Variants in KL observed in about 807,000 individuals in gnomAD.
KL encodes the protein alpha-klotho.
KL carries 62 observed loss-of-function variants against 84.2 expected under a neutral mutation model. That is an observed-to-expected ratio of 0.74 (90% CI 0.60 to 0.91). KL has a LOEUF of 0.91. Among genes scored for constraint, KL ranks in the 40% least tolerant of loss-of-function variants. KL has a pLI of 0.00. For synonymous variants in KL, 528 were observed against 528.0 expected (o/e 1.00, Z 0.00); for missense variants, 1,261 against 1,305.7 (o/e 0.97, Z 0.53).
At chr13:33,036,425 A>C (rs1871149396) in intron 1 of KL, among the ~76,000 whole-genome samples, 1 of 151,712 alleles carries the variant, frequency 6.6e-6, no homozygotes, top group Non-Finnish European at 1.5e-5. Flanking sequence ...CCACACACAC[A>C]GAAATACACA....
chr13:33,042,143 T>C (rs1871361748), intron 1 of KL, among the ~76,000 whole-genome samples: 1 of 152,202 alleles, frequency 6.6e-6, no homozygotes, highest in Non-Finnish European at 1.5e-5. Flanking sequence ...AGTATTCTCT[T>C]GCCACATAAA....
chr13:33,043,193 G>A (rs570908436), intron 1 of KL, among the ~76,000 whole-genome samples: 2 of 150,928 alleles, frequency 1.3e-5, no homozygotes, highest in East Asian at 1.9e-4. Flanking sequence ...TGAAATTTCC[G>A]TTGTTTTACG....
At chr13:33,022,699 G>T (rs1241297082) in intron 1 of KL, among the ~76,000 whole-genome samples, 1 of 152,140 alleles carries the variant, frequency 6.6e-6, no homozygotes, top group Non-Finnish European at 1.5e-5. Flanking sequence ...ATAACCACAG[G>T]TAGAATGGAT....
intron 1 of KL, among the ~76,000 whole-genome samples, chr13:33,045,134 A>T (rs946356771): frequency 1.6e-4 from 25 of 152,036 alleles, no homozygotes; most frequent in African/African-American, 4.6e-4. Context: ...TTGTTTTCTT[A>T]ATTTTCTTTT....
intron 1 of KL, among the ~76,000 whole-genome samples, chr13:33,042,071 T>TA (rs533163822): frequency 8.1e-4 from 124 of 152,228 alleles, no homozygotes; most frequent in African/African-American, 2.1e-3. Flanking sequence ...AATATATATA[T>TA]TTTTTTAACT....
At position 33,016,800 on chromosome 13, in the gene KL, C is replaced by T; in HGVS notation, c.360C>T (p.Ala120=). The part of the protein sequence containing the change: ...PLGAPSPLQP[A]TGDVASDSYN... ...GCGCCCCGTCGCCGCTGCAGCCCGC[C>T]ACCGGGGACGTAGCCAGCGACAGCT... The change falls in exon 1 of 5, where the codon GCC becomes GCT. Residue 120 remains alanine (A), a synonymous_variant. Coordinates refer to ENST00000380099, the MANE Select transcript of KL (RefSeq NM_004795.4). 1 of 1,612,448 alleles carries T rather than the reference C, an allele frequency of 6.2e-7. No individual in the cohort carries two copies. Among genetic ancestry groups the T allele is most frequent in the Non-Finnish European group, 8.5e-7 (1 of 1,179,710 alleles).
In KL at chr13:33,016,959, C is replaced by T. The variant is rs1266140360; in HGVS notation, c.519C>T (p.Tyr173=). 6.9e-6 allele frequency: 11 copies of T among 1,602,716 alleles called. No homozygotes were observed. Among genetic ancestry groups the T allele is most frequent in the Non-Finnish European group, 9.4e-6 (11 of 1,176,422 alleles). The change falls in exon 1 of 5, where the codon TAC becomes TAT. Residue 173 remains tyrosine, a synonymous_variant. Coordinates refer to ENST00000380099, the MANE Select transcript of KL (RefSeq NM_004795.4). ...GVPNREGLRY[Y]RRLLERLREL... ...CCAACCGCGAGGGGCTGCGCTACTA[C>T]CGGCGCCTGCTGGAGCGGCTGCGGG...
rs573967759 is a variant in KL at position 33,060,591 on chromosome 13, T to A, written c.1600-88T>A. 11 of 1,473,376 alleles carry A rather than the reference T, an allele frequency of 7.5e-6. No homozygotes were observed. The South Asian group carries it at 1.3e-4, about 17-fold the overall frequency. The allele number at this position is 1,473,376 out of a possible 1,614,324, so 91.3% of individuals were successfully genotyped here. On this transcript the variant is annotated intron_variant, in intron 3 of 4. Transcript: ENST00000380099. ...AGAAAGGCTTCTATTTTTGCTCATA[T>A]TCCTGGCTAGTTTTGCTGAAATAAT...
chr13:33,033,843 T>C lies in KL; in HGVS notation c.819+16584T>C, dbSNP rs34104126. On this transcript the variant is annotated intron_variant, in intron 1 of 4. Coordinates refer to ENST00000380099, the MANE Select transcript of KL (RefSeq NM_004795.4). ...TGTGTGATAATGAATTTATTGGGCT[T>C]GTTTTTTTAGCTTCTGAATAGAAGA... 7.5e-3 allele frequency among the ~76,000 whole-genome samples: 1,146 copies of C among 152,236 alleles called. 6 individuals are homozygous for C. Among genetic ancestry groups the C allele is most frequent in the Non-Finnish European group, 0.011 (731 of 68,014 alleles).
intron 4 of KL, 70 bp from the exon 5 acceptor site, chr13:33,063,776 CAAA>C (rs34137141): frequency 1.5e-4 from 173 of 1,167,060 alleles, no homozygotes; most frequent in Middle Eastern, 2.1e-4. Context: ...GACTCCGTCT[CAAA>C]AAAAAAAAAA....
intron 1 of KL, among the ~76,000 whole-genome samples, chr13:33,045,298 G>A (rs1284312233): frequency 6.6e-6 from 1 of 152,040 alleles, no homozygotes; most frequent in Non-Finnish European, 1.5e-5. Flanking sequence ...CTGTGAATAG[G>A]GATAGTTTTA....
chr13:33,029,359 A>G (rs1870888977), intron 1 of KL, among the ~76,000 whole-genome samples: 1 of 152,212 alleles, frequency 6.6e-6, no homozygotes, highest in Non-Finnish European at 1.5e-5. Flanking sequence ...CCATGAATCA[A>G]TGTTTCAAAC....
At chr13:33,031,314 T>A (rs973966254) in intron 1 of KL, among the ~76,000 whole-genome samples, 5 of 152,224 alleles carry the variant, frequency 3.3e-5, no homozygotes, top group Admixed American at 3.3e-4. Context: ...TGACAGCATC[T>A]AGTCCAAACT....
chr13:33,053,907 G>C lies in KL; in HGVS notation c.960G>C (p.Leu320=). The C allele has an allele frequency of 6.2e-7, 1 of 1,614,142 alleles. No homozygotes were observed. Residue 320 remains leucine (L), a synonymous_variant, in exon 2 of 5, where the codon CTG becomes CTC. Coordinates refer to ENST00000380099, the MANE Select transcript of KL (RefSeq NM_004795.4). The part of the protein sequence containing the change: ...DHSIKECQKS[L]DFVLGWFAKP... ...GCATCAAAGAATGTCAAAAATCTCT[G>C]GACTTTGTACTAGGTTGGTTTGCCA...
chr13:33,061,327 G>A lies in KL; in HGVS notation c.2248G>A (p.Glu750Lys), dbSNP rs62637615. Residue 750 changes from glutamate (E) to lysine (K), a missense_variant, in exon 4 of 5, where the codon GAG (glutamate) becomes AAG (lysine). Coordinates refer to ENST00000380099, the MANE Select transcript of KL (RefSeq NM_004795.4). Reference protein sequence around the residue: ...PFSQKDKEVAERVLEFDIGWL... With the variant: ...PFSQKDKEVAKRVLEFDIGWL... Reference sequence around the variant, plus strand: ...CTCCCAAAAGGACAAAGAGGTGGCTGAGAGAGTTTTGGAATTTGACATTGG... The same window carrying A: ...CTCCCAAAAGGACAAAGAGGTGGCTAAGAGAGTTTTGGAATTTGACATTGG... The A allele has an allele frequency of 3.1e-6, 5 of 1,614,020 alleles. No homozygotes were observed. Among genetic ancestry groups the A allele is most frequent in the African/African-American group, 1.3e-5 (1 of 74,912 alleles).
intron 3 of KL, among the ~76,000 whole-genome samples, chr13:33,059,846 CAA>C (rs1182166131): frequency 2.6e-5 from 4 of 152,210 alleles, no homozygotes; most frequent in Non-Finnish European, 5.9e-5. Context: ...CAACAAAAGG[CAA>C]GAGTTATGTT....
chr13:33,040,723 G>T (rs181596318), intron 1 of KL, among the ~76,000 whole-genome samples: 56 of 152,210 alleles, frequency 3.7e-4, no homozygotes, highest in African/African-American at 1.3e-3. Flanking sequence ...ACATATTTGG[G>T]TGATTGGTGA....
intron 1 of KL, among the ~76,000 whole-genome samples, chr13:33,048,425 A>G (rs1191378885): frequency 1.3e-5 from 2 of 152,144 alleles, no homozygotes; most frequent in Non-Finnish European, 2.9e-5. Flanking sequence ...TACTCTGGCT[A>G]TTCTGAAATG....
intron 1 of KL, among the ~76,000 whole-genome samples, chr13:33,028,817 A>G (rs1284761690): frequency 1.3e-5 from 2 of 152,260 alleles, no homozygotes; most frequent in Non-Finnish European, 2.9e-5. Context: ...ATGTTGGCAG[A>G]ATAATGTCAA....
Sources: gnomAD v4.1 joint callset for allele counts (sites outside exome capture counted in the v4.1 genomes callset) on GRCh38, gnomAD v4.1.1 for gene constraint, MANE v1.5 for transcripts, NCBI Gene and HGNC (gene_info 2026-07-23, HGNC 2026-07-21) for gene names.